ITSN1: variants seen among roughly 807,000 people sequenced by gnomAD.
ITSN1 encodes intersectin 1.
A neutral mutation model predicts 239.8 loss-of-function variants in ITSN1; 58 were observed. That is an observed-to-expected ratio of 0.24 (90% CI 0.20 to 0.30). The LOEUF (loss-of-function observed/expected upper bound fraction) is 0.30, where lower values mean the gene tolerates loss of function less well. Ranked by LOEUF, ITSN1 falls within the 10% of genes least tolerant of loss-of-function variation. The probability of loss-of-function intolerance (pLI) is 1.00; values close to 1 mark genes in which losing one functional copy is unlikely to be tolerated. For synonymous variants in ITSN1, 780 were observed against 770.8 expected (o/e 1.01, Z -0.20); for missense variants, 1,558 against 2,103.3 (o/e 0.74, Z 5.07).
chr21:33,676,408 T>G (rs1483933170), intron 1 of ITSN1, among the ~76,000 whole-genome samples: 2 of 152,124 alleles, frequency 1.3e-5, no homozygotes, highest in African/African-American at 4.8e-5. Flanking sequence ...AAAAAACGTT[T>G]TTAAAGGTGG....
chr21:33,673,946 T>C (rs1380335792), intron 1 of ITSN1, among the ~76,000 whole-genome samples: 3 of 152,242 alleles, frequency 2.0e-5, no homozygotes, highest in Non-Finnish European at 4.4e-5. Context: ...TTGTTCAGGA[T>C]AAAATGTTTT....
intron 1 of ITSN1, among the ~76,000 whole-genome samples, chr21:33,665,442 A>G (rs2089867443): frequency 6.6e-6 from 1 of 152,226 alleles, no homozygotes; most frequent in African/African-American, 2.4e-5. Context: ...ATACCACTTT[A>G]CAACCATTAG....
chr21:33,651,120 G>A (rs2088491331), intron 1 of ITSN1, among the ~76,000 whole-genome samples: 1 of 152,246 alleles, frequency 6.6e-6, no homozygotes, highest in Admixed American at 6.5e-5. Context: ...ATTAAATCAA[G>A]GAGTGTTTGA....
intron 1 of ITSN1, among the ~76,000 whole-genome samples, chr21:33,649,474 A>G (rs765198090): frequency 6.6e-6 from 1 of 152,176 alleles, no homozygotes; most frequent in Non-Finnish European, 1.5e-5. Context: ...AATGATAGGT[A>G]GCTTGCTTTA....
intron 6 of ITSN1, among the ~76,000 whole-genome samples, chr21:33,751,593 A>G (rs1337725343): frequency 2.0e-5 from 3 of 152,230 alleles, no homozygotes; most frequent in Admixed American, 6.5e-5. Context: ...CAGCATTACT[A>G]CATAGTAAGG....
chr21:33,751,844 A>T lies in ITSN1; in HGVS notation c.561A>T (p.Arg187Ser), dbSNP rs1227209877. 8.1e-6 allele frequency: 13 copies of T among 1,613,240 alleles called. No individual in the cohort carries two copies. Among genetic ancestry groups the T allele is most frequent in the Non-Finnish European group, 1.1e-5 (13 of 1,179,236 alleles). ...ATLPKSSSFS[R>S]SGPGSQLNTK... ...TGCCAAAGAGTTCTTCCTTTAGTAG[A>T]TCTGGTCCAGGGTCACAACTAAACA... Residue 187 changes from arginine to serine, a missense_variant, in exon 7 of 40, where the codon AGA becomes AGT. Around this residue, in one of 2 missense-constraint regions of ITSN1, gnomAD observed 982 missense variants for 1,209.9 expected, o/e 0.81. Coordinates refer to ENST00000381318, the MANE Select transcript of ITSN1 (RefSeq NM_003024.3).
At chr21:33,813,220 A>T (rs2073033378) in intron 21 of ITSN1, among the ~76,000 whole-genome samples, 1 of 151,820 alleles carries the variant, frequency 6.6e-6, no homozygotes, top group South Asian at 2.1e-4. Context: ...TTGCTCTGTC[A>T]CCCAGGCTGG....
intron 1 of ITSN1, among the ~76,000 whole-genome samples, chr21:33,695,251 ATTTAT>A (rs1477124423): frequency 6.6e-6 from 1 of 152,206 alleles, no homozygotes; most frequent in South Asian, 2.1e-4. Flanking sequence ...TATTAAACTT[ATTTAT>A]TTTGAGGCCT....
At chr21:33,774,615 A>G (rs2069449077) in intron 12 of ITSN1, 114 bp from the exon 13 acceptor site, 3 of 915,588 alleles carry the variant, frequency 3.3e-6, no homozygotes, top group Non-Finnish European at 4.9e-6. Context: ...ATTTCTTGTA[A>G]TGTTTAATAT....
intron 16 of ITSN1, 88 bp downstream of exon 16, chr21:33,782,221 G>T: frequency 7.9e-7 from 1 of 1,273,760 alleles, no homozygotes; most frequent in Non-Finnish European, 1.1e-6. Flanking sequence ...ATCACAGGCA[G>T]AAAAATTTAT....
chr21:33,751,607 T>C (rs1602010747), intron 6 of ITSN1, among the ~76,000 whole-genome samples: 1 of 152,328 alleles, frequency 6.6e-6, no homozygotes, highest in South Asian at 2.1e-4. Flanking sequence ...AGTAAGGTGA[T>C]TTTCAGTAGA....
At chr21:33,788,694 C>T (rs944789425) in intron 16 of ITSN1, among the ~76,000 whole-genome samples, 6 of 152,182 alleles carry the variant, frequency 3.9e-5, no homozygotes, top group African/African-American at 1.4e-4. Context: ...GATCATGCCA[C>T]TGCATCCCAG....
chr21:33,813,352 C>CA (rs1318496009), intron 21 of ITSN1, among the ~76,000 whole-genome samples: 2 of 144,498 alleles, frequency 1.4e-5, no homozygotes, highest in East Asian at 4.0e-4. Flanking sequence ...ACCCAGCTAA[C>CA]TTTTTTTTTT....
At chr21:33,841,218 G>T (rs2074811622) in intron 29 of ITSN1, among the ~76,000 whole-genome samples, 2 of 152,176 alleles carry the variant, frequency 1.3e-5, no homozygotes, top group African/African-American at 4.8e-5. Flanking sequence ...GTAACGATTG[G>T]GTTATCTATG....
intron 1 of ITSN1, among the ~76,000 whole-genome samples, chr21:33,651,780 G>A (rs2088558548): frequency 6.6e-6 from 1 of 152,164 alleles, no homozygotes; most frequent in Non-Finnish European, 1.5e-5. Context: ...AAATGCTGCT[G>A]TTGTCTGTCC....
intron 29 of ITSN1, among the ~76,000 whole-genome samples, chr21:33,839,903 C>T (rs776749273): frequency 1.3e-5 from 2 of 152,162 alleles, no homozygotes; most frequent in Non-Finnish European, 2.9e-5. Flanking sequence ...GCTCCTCATC[C>T]TGCAGTGCAC....
At chr21:33,785,649 T>G (rs1160070211) in intron 16 of ITSN1, among the ~76,000 whole-genome samples, 1 of 152,228 alleles carries the variant, frequency 6.6e-6, no homozygotes, top group African/African-American at 2.4e-5. Flanking sequence ...AGTTACAGGT[T>G]AACAGGTATT....
chr21:33,675,292 G>C (rs1340263327), intron 1 of ITSN1, among the ~76,000 whole-genome samples: 4 of 152,078 alleles, frequency 2.6e-5, no homozygotes, highest in African/African-American at 9.7e-5. Flanking sequence ...GGCCGGGCAC[G>C]GTGGCTCAAG....
chr21:33,779,110 G>C (rs370993937), intron 14 of ITSN1, among the ~76,000 whole-genome samples: 2 of 138,096 alleles, frequency 1.4e-5, no homozygotes, highest in African/African-American at 5.4e-5. Context: ...TGGCTCTATT[G>C]ATTTTTTTTT....
Sources: gnomAD v4.1 joint callset for allele counts (sites outside exome capture counted in the v4.1 genomes callset) on GRCh38, gnomAD v4.1.1 for gene constraint, gnomAD v4.1.1 regional missense constraint, MANE v1.5 for transcripts, NCBI Gene and HGNC (gene_info 2026-07-23, HGNC 2026-07-21) for gene names.